TOX2: variants seen among roughly 807,000 people sequenced by gnomAD.
The protein encoded by TOX2 is granulosa cell HMG box 1.
Under a neutral mutation model 47.4 loss-of-function variants are expected in TOX2, and 15 were observed. The ratio of observed to expected loss-of-function variants is 0.32; its 90% CI spans 0.21 to 0.49. The LOEUF is 0.49. Ranked by LOEUF, TOX2 falls within the 20% of genes least tolerant of loss-of-function variation. TOX2 has a pLI of 0.99. For missense variants in TOX2, 622 were observed against 673.1 expected (o/e 0.92, Z 0.84); for synonymous variants, 290 against 296.6 (o/e 0.98, Z 0.23).
In TOX2 at chr20:43,916,281, C is replaced by T; in HGVS notation, c.99+1291C>T. ...CCAACCTCGCAGGCTTTTCGTCAGG[C>T]CCCTGGTAGTGGGGATGAGGCAGGA... On this transcript the variant is annotated intron_variant, in intron 1 of 8. Coordinates refer to ENST00000341197, the MANE Select transcript of TOX2 (RefSeq NM_001098797.2). The surrounding 1 kb of genome is among the most constrained non-coding windows in gnomAD (Gnocchi z 5.0). 1 of 960,894 alleles carries T rather than the reference C, an allele frequency of 1.0e-6. No individual in the cohort carries two copies. The highest frequency in any genetic ancestry group is 1.2e-6 in the Non-Finnish European group (1 of 807,480). The allele number at this position is 960,894 out of a possible 1,614,324, so 59.5% of individuals were successfully genotyped here.
intron 1 of TOX2, among the ~76,000 whole-genome samples, chr20:43,959,341 G>A (rs1286268943): frequency 6.6e-6 from 1 of 152,212 alleles, no homozygotes; most frequent in Non-Finnish European, 1.5e-5. Flanking sequence ...AAAGGCCGAC[G>A]TTGAGACAGC....
intron 3 of TOX2, among the ~76,000 whole-genome samples, chr20:44,050,442 A>C (rs2071489442): frequency 6.6e-6 from 1 of 152,232 alleles, no homozygotes; most frequent in South Asian, 2.1e-4. Context: ...AGAAATTAGA[A>C]AGGGCAAATA....
intron 1 of TOX2, among the ~76,000 whole-genome samples, chr20:43,940,312 C>G (rs1033004995): frequency 2.0e-5 from 3 of 151,826 alleles, no homozygotes; most frequent in African/African-American, 7.3e-5. Flanking sequence ...AACTCCTGGG[C>G]TCAAGTGATC....
intron 2 of TOX2, among the ~76,000 whole-genome samples, chr20:43,985,934 A>G (rs1241708353): frequency 6.6e-6 from 1 of 152,146 alleles, no homozygotes; most frequent in Non-Finnish European, 1.5e-5. Context: ...ATGCACTTGG[A>G]GAGAGAGATG....
rs371560836 is a variant in TOX2, at chr20:43,916,948, G to T, written c.99+1958G>T. Among the ~76,000 whole-genome samples the T allele has an allele frequency of 4.6e-5, 7 of 152,276 alleles. No individual in the cohort carries two copies. Among genetic ancestry groups the T allele is most frequent in the Admixed American group, 1.3e-4 (2 of 15,302 alleles). The stretch of plus-strand genomic sequence containing the variant: ...CAGCACCAGAACCTGTGCGAATCTC[G>T]CCGGGAAGGGCCCGTCAGGGAGGGA... On this transcript the variant is annotated intron_variant, in intron 1 of 8. Coordinates refer to ENST00000341197, the MANE Select transcript of TOX2 (RefSeq NM_001098797.2). This position sits in a 1 kb window ranked among gnomAD's most constrained non-coding sequence, Gnocchi z 5.0.
intron 2 of TOX2, among the ~76,000 whole-genome samples, chr20:43,980,225 A>G (rs191812109): frequency 6.6e-6 from 1 of 152,370 alleles, no homozygotes; most frequent in East Asian, 1.9e-4. Context: ...TTGCAACAAC[A>G]TGGATGGAAC....
At chr20:43,928,999 A>AC (rs1491423528) in intron 1 of TOX2, among the ~76,000 whole-genome samples, 1 of 144,750 alleles carries the variant, frequency 6.9e-6, no homozygotes, top group Non-Finnish European at 1.5e-5. Context: ...AAAAAAAAAA[A>AC]CAACAACAAA....
intron 6 of TOX2, 141 bp downstream of exon 6, chr20:44,064,998 G>GT: frequency 2.9e-6 from 2 of 700,810 alleles, no homozygotes; most frequent in Non-Finnish European, 4.7e-6. Context: ...ATGTCTGCAG[G>GT]GCACCTACAG....
At chr20:43,923,035 C>T (rs1458570782) in intron 1 of TOX2, among the ~76,000 whole-genome samples, 2 of 151,706 alleles carry the variant, frequency 1.3e-5, no homozygotes. Flanking sequence ...GGCAGTCTTA[C>T]AGGAATGCCA....
intron 1 of TOX2, among the ~76,000 whole-genome samples, chr20:43,922,600 C>T (rs1457801739): frequency 6.6e-6 from 1 of 152,194 alleles, no homozygotes; most frequent in African/African-American, 2.4e-5. Flanking sequence ...ACAGTAAAAA[C>T]ATATGGTAAG....
chr20:44,027,624 G>T (rs2071086471), intron 3 of TOX2, among the ~76,000 whole-genome samples: 1 of 152,202 alleles, frequency 6.6e-6, no homozygotes, highest in Non-Finnish European at 1.5e-5. Flanking sequence ...TAATTGAGGA[G>T]GCCCAGAGAG....
rs146613815 is a variant in TOX2, at chr20:44,051,476, G to A, written c.582G>A (p.Pro194=). The A allele has an allele frequency of 3.4e-4, 552 of 1,613,460 alleles. No homozygotes were observed. The highest frequency in any genetic ancestry group is 4.2e-4 in the Non-Finnish European group (496 of 1,179,642). The change falls in exon 4 of 9, where the codon CCG becomes CCA. Residue 194 remains proline, a synonymous_variant. Coordinates refer to ENST00000341197, the MANE Select transcript of TOX2 (RefSeq NM_001098797.2). ...TCGCCCACAGCTCCCCATCACCGCC[G>A]GGGAGCAAGTCAGCGACCCCCTCTC... ...SSIAHSSPSP[P]GSKSATPSPS...
intron 3 of TOX2, among the ~76,000 whole-genome samples, chr20:44,024,218 T>C (rs2071022958): frequency 6.6e-6 from 1 of 152,228 alleles, no homozygotes; most frequent in South Asian, 2.1e-4. Flanking sequence ...TTCGTATCTA[T>C]AATTACACCC....
chr20:43,938,963 C>G (rs765231542), intron 1 of TOX2, among the ~76,000 whole-genome samples: 6 of 152,152 alleles, frequency 3.9e-5, no homozygotes, highest in Non-Finnish European at 4.4e-5. Flanking sequence ...CAGGTGCCCT[C>G]GCTTCTAGAA....
At chr20:43,950,075 C>A (rs973507647) in intron 1 of TOX2, among the ~76,000 whole-genome samples, 1 of 152,096 alleles carries the variant, frequency 6.6e-6, no homozygotes, top group African/African-American at 2.4e-5. Context: ...ACATGTATAA[C>A]AAACATCCTC....
intron 1 of TOX2, among the ~76,000 whole-genome samples, chr20:43,969,538 G>A (rs529259639): frequency 1.3e-5 from 2 of 152,194 alleles, no homozygotes; most frequent in Non-Finnish European, 2.9e-5. Context: ...TTAGAGTACT[G>A]GAAGCCAAGC....
intron 1 of TOX2, among the ~76,000 whole-genome samples, chr20:43,935,026 G>A (rs2069306775): frequency 6.6e-6 from 1 of 152,112 alleles, no homozygotes; most frequent in Non-Finnish European, 1.5e-5. Flanking sequence ...TGGGTGTCTG[G>A]CCACTGTGGT....
intron 3 of TOX2, among the ~76,000 whole-genome samples, chr20:44,023,003 G>A (rs536934014): frequency 2.0e-5 from 3 of 151,366 alleles, no homozygotes; most frequent in Admixed American, 1.3e-4. Context: ...AAAGGGAGGT[G>A]GGGGGAGGAA....
At chr20:43,986,807 T>A (rs943169181) in intron 2 of TOX2, among the ~76,000 whole-genome samples, 1 of 152,170 alleles carries the variant, frequency 6.6e-6, no homozygotes, top group Non-Finnish European at 1.5e-5. Flanking sequence ...GGCTCATGCC[T>A]GTAATCCTAG....
Sources: gnomAD v4.1 joint callset for allele counts (sites outside exome capture counted in the v4.1 genomes callset) on GRCh38, gnomAD v4.1.1 for gene constraint, Gnocchi (gnomAD v3.1) non-coding constraint, MANE v1.5 for transcripts, NCBI Gene and HGNC (gene_info 2026-07-23, HGNC 2026-07-21) for gene names.